The following CDH4 variants were observed in gnomAD, a reference collection of about 807,000 sequenced individuals.
CDH4 encodes the protein cadherin-4.
A neutral mutation model predicts 86.0 loss-of-function variants in CDH4; 33 were observed. The observed-to-expected ratio is 0.38, with a 90% confidence interval of 0.29 to 0.51. The LOEUF is 0.51. CDH4 is among the 20% of genes least tolerant of loss of function. CDH4 has a pLI of 0.86. For missense variants in CDH4, 1,114 were observed against 1,307.4 expected (o/e 0.85, Z 2.28); for synonymous variants, 555 against 549.4 (o/e 1.01, Z -0.14).
At chr20:61,267,349 G>A (rs1305133537) in intron 2 of CDH4, among the ~76,000 whole-genome samples, 1 of 152,186 alleles carries the variant, frequency 6.6e-6, no homozygotes, top group Non-Finnish European at 1.5e-5. Context: ...CTTAGAGGAT[G>A]TTTAGCCTCC....
chr20:61,294,595 G>A (rs918406471), intron 2 of CDH4, among the ~76,000 whole-genome samples: 6 of 152,324 alleles, frequency 3.9e-5, no homozygotes, highest in Admixed American at 1.3e-4. Flanking sequence ...TTCCACTGTG[G>A]GACCCCACAC....
At chr20:61,335,786 GCTAGCAT>G (rs200285690) in intron 2 of CDH4, among the ~76,000 whole-genome samples, 5,249 of 152,232 alleles carry the variant, frequency 0.034, 129 homozygotes, top group South Asian at 0.058. Context: ...GTGTAAAGGG[GCTAGCAT>G]CTGCATCCTG....
chr20:61,917,037 C>T (rs1244118823), intron 9 of CDH4, among the ~76,000 whole-genome samples: 1 of 152,196 alleles, frequency 6.6e-6, no homozygotes, highest in Non-Finnish European at 1.5e-5. Flanking sequence ...AGCCATCAGT[C>T]ACCCAAATCC....
intron 8 of CDH4, among the ~76,000 whole-genome samples, chr20:61,898,608 A>T (rs1985240565): frequency 6.6e-6 from 1 of 151,992 alleles, no homozygotes; most frequent in Non-Finnish European, 1.5e-5. Flanking sequence ...ATCCACACAC[A>T]TGCTCACGGA....
intron 2 of CDH4, among the ~76,000 whole-genome samples, chr20:61,354,419 T>G (rs2084734372): frequency 6.6e-6 from 1 of 152,168 alleles, no homozygotes; most frequent in Non-Finnish European, 1.5e-5. Flanking sequence ...CCATCCCCAC[T>G]TTGCTGGGTC....
intron 6 of CDH4, among the ~76,000 whole-genome samples, chr20:61,869,008 G>GACGTGGCAA (rs1302490230): frequency 6.6e-6 from 1 of 152,182 alleles, no homozygotes; most frequent in African/African-American, 2.4e-5. Flanking sequence ...AAAGCCTCTA[G>GACGTGGCAA]ACGTGGCAAA....
chr20:61,340,172 G>A lies in CDH4; in HGVS notation c.169+85235G>A, dbSNP rs537031799. ...ACCCCAACAAGGGGACTGGAGTGAAGGGAAGGGGAGCTAGCAAGGGAGAGA... is the reference window on the plus strand; with the variant it reads ...ACCCCAACAAGGGGACTGGAGTGAAAGGAAGGGGAGCTAGCAAGGGAGAGA... On this transcript the variant is annotated intron_variant, in intron 2 of 15. Transcript: ENST00000614565. 2.6e-5 allele frequency among the ~76,000 whole-genome samples: 4 copies of A among 152,294 alleles called. No homozygotes were observed. The South Asian group carries it at 8.3e-4, about 32-fold the overall frequency.
chr20:61,686,976 C>G (rs922846068), intron 2 of CDH4, among the ~76,000 whole-genome samples: 3 of 150,808 alleles, frequency 2.0e-5, no homozygotes, highest in African/African-American at 7.3e-5. Flanking sequence ...CCCCGACTAG[C>G]AAGGTGTTTT....
At chr20:61,809,172 G>A (rs1391483352) in intron 4 of CDH4, among the ~76,000 whole-genome samples, 3 of 152,186 alleles carry the variant, frequency 2.0e-5, no homozygotes, top group Non-Finnish European at 2.9e-5. Flanking sequence ...AATCCGGGTG[G>A]TGTCCTTTTC....
At chr20:61,498,378 C>T (rs991670960) in intron 2 of CDH4, among the ~76,000 whole-genome samples, 10 of 152,212 alleles carry the variant, frequency 6.6e-5, no homozygotes, top group Non-Finnish European at 1.0e-4. Flanking sequence ...ACTCTTCCTG[C>T]CATGGAACTG....
At chr20:61,777,275 T>C (rs1055890833) in intron 4 of CDH4, among the ~76,000 whole-genome samples, 2 of 151,728 alleles carry the variant, frequency 1.3e-5, no homozygotes, top group Admixed American at 6.5e-5. Context: ...GAGTGAGTGA[T>C]AGACGTGATC....
At chr20:61,407,047 C>A (rs946778800) in intron 2 of CDH4, among the ~76,000 whole-genome samples, 6 of 151,128 alleles carry the variant, frequency 4.0e-5, no homozygotes, top group African/African-American at 1.5e-4. Flanking sequence ...CTGCTCTGCC[C>A]GGACCACCAT....
At chr20:61,890,356 G>A (rs1445207622) in intron 7 of CDH4, among the ~76,000 whole-genome samples, 2 of 150,982 alleles carry the variant, frequency 1.3e-5, no homozygotes, top group African/African-American at 2.4e-5. Flanking sequence ...TGTATGGATA[G>A]ATGGATAATG....
At chr20:61,844,875 C>A in intron 5 of CDH4, 52 bp downstream of exon 5, 1 of 1,553,144 alleles carries the variant, frequency 6.4e-7, no homozygotes. Flanking sequence ...CGATCCCAGC[C>A]CTACCAGGCC....
chr20:61,848,370 T>C (rs1982554757), intron 5 of CDH4, among the ~76,000 whole-genome samples: 2 of 152,200 alleles, frequency 1.3e-5, no homozygotes, highest in South Asian at 4.1e-4. Context: ...TTCCCTTCTT[T>C]TGTTTTTCTT....
chr20:61,294,839 C>T (rs1476288450), intron 2 of CDH4, among the ~76,000 whole-genome samples: 6 of 152,262 alleles, frequency 3.9e-5, no homozygotes, highest in African/African-American at 1.4e-4. Context: ...GGTCACGGCG[C>T]TCGGTGTGAG....
intron 2 of CDH4, among the ~76,000 whole-genome samples, chr20:61,633,860 G>A (rs2086920439): frequency 6.6e-6 from 1 of 152,196 alleles, no homozygotes; most frequent in African/African-American, 2.4e-5. Context: ...TGTCCATACT[G>A]TGCTCTTTAA....
chr20:61,737,957 G>T (rs1234162279), intron 2 of CDH4, among the ~76,000 whole-genome samples: 1 of 152,216 alleles, frequency 6.6e-6, no homozygotes, highest in African/African-American at 2.4e-5. Flanking sequence ...CACCCGCCTT[G>T]CTGGGCACAT....
chr20:61,315,145 G>A (rs1242381126), intron 2 of CDH4, among the ~76,000 whole-genome samples: 1 of 152,112 alleles, frequency 6.6e-6, no homozygotes, highest in Non-Finnish European at 1.5e-5. Flanking sequence ...GGGCTCAAGG[G>A]GGACCGGCCT....
Sources: allele counts gnomAD v4.1 joint callset (sites outside exome capture counted in the v4.1 genomes callset), GRCh38; gene constraint gnomAD v4.1.1; transcripts MANE v1.5; gene names NCBI Gene and HGNC (gene_info 2026-07-23, HGNC 2026-07-21).